Variants in SLC39A9 observed in about 807,000 individuals in gnomAD.
The protein encoded by SLC39A9 is solute carrier family 39 member 9.
Under a neutral mutation model 28.4 loss-of-function variants are expected in SLC39A9, and 14 were observed. The observed-to-expected ratio is 0.49, with a 90% CI of 0.33 to 0.77. The LOEUF is 0.77. Among genes scored for constraint, SLC39A9 ranks in the 30% least tolerant of loss-of-function variants. SLC39A9 has a pLI of 0.02. For missense variants in SLC39A9, 283 were observed against 381.1 expected (o/e 0.74, Z 2.14); for synonymous variants, 119 against 149.6 (o/e 0.80, Z 1.49).
chr14:69,405,805 T>C (rs1195419861), intron 1 of SLC39A9, among the ~76,000 whole-genome samples: 1 of 152,240 alleles, frequency 6.6e-6, no homozygotes, highest in Non-Finnish European at 1.5e-5. Context: ...GGATACTATA[T>C]TGATAAACAT....
intron 3 of SLC39A9, among the ~76,000 whole-genome samples, chr14:69,444,246 C>T (rs542229092): frequency 2.0e-5 from 3 of 152,150 alleles, no homozygotes; most frequent in African/African-American, 7.2e-5. Context: ...AAAATAAAAA[C>T]GCATTTTTTT....
chr14:69,428,782 C>A (rs1884333262), intron 2 of SLC39A9: 1 of 152,290 alleles, frequency 6.6e-6, no homozygotes, highest in Non-Finnish European at 1.5e-5. Flanking sequence ...CGGTTAAGAG[C>A]AAAGGTCACT....
chr14:69,410,359 T>A (rs376365881), intron 1 of SLC39A9, among the ~76,000 whole-genome samples: 6 of 147,998 alleles, frequency 4.1e-5, no homozygotes, highest in Non-Finnish European at 7.6e-5. Flanking sequence ...GCTTAGAAGC[T>A]TTTTTTTGCA....
At chr14:69,416,007 G>A (rs1322741133) in intron 1 of SLC39A9, among the ~76,000 whole-genome samples, 1 of 151,944 alleles carries the variant, frequency 6.6e-6, no homozygotes, top group African/African-American at 2.4e-5. Flanking sequence ...TGCCATGTTG[G>A]TTTGCTGCAC....
At chr14:69,442,327 C>T (rs578046681) in intron 3 of SLC39A9, 61 bp downstream of exon 3, 49 of 1,493,166 alleles carry the variant, frequency 3.3e-5, no homozygotes, top group East Asian at 6.8e-5. Flanking sequence ...AAGTTACAAA[C>T]GATCAAATAT....
intron 1 of SLC39A9, among the ~76,000 whole-genome samples, chr14:69,407,267 C>G (rs1429991518): frequency 1.3e-5 from 2 of 151,450 alleles, no homozygotes; most frequent in Non-Finnish European, 2.9e-5. Context: ...TAATTTCCTT[C>G]CTTCCTTTCT....
Position 69,460,899 on chromosome 14 carries a change from A to G in SLC39A9, c.*2306A>G, listed in dbSNP as rs767873763. On this transcript the variant is annotated 3_prime_UTR_variant, in exon 7 of 7. Transcript: ENST00000336643. Reference sequence around the variant, plus strand: ...GCCATACTAATCTCATAGGGCTCAAATGCATCTTCAGGCAGCAGGGAACCA... The same window carrying G: ...GCCATACTAATCTCATAGGGCTCAAGTGCATCTTCAGGCAGCAGGGAACCA... 2.1e-4 allele frequency: 211 copies of G among 985,396 alleles called. No individual in the cohort carries two copies. The highest frequency in any genetic ancestry group is 2.4e-4 in the Non-Finnish European group (201 of 830,012). 61.0% of individuals were successfully genotyped at this position (985,396 alleles called of 1,614,324 possible).
intron 3 of SLC39A9, among the ~76,000 whole-genome samples, chr14:69,447,460 A>G (rs527467129): frequency 6.6e-6 from 1 of 152,346 alleles, no homozygotes; most frequent in Non-Finnish European, 1.5e-5. Context: ...ACCAGAGGAC[A>G]GAGTTCAGGA....
intron 3 of SLC39A9, among the ~76,000 whole-genome samples, 190 bp from the exon 4 acceptor site, chr14:69,453,051 T>C (rs1885689198): frequency 6.6e-6 from 1 of 152,140 alleles, no homozygotes; most frequent in Admixed American, 6.5e-5. Context: ...AGAAAAAAGA[T>C]AGTGGCCGGG....
At chr14:69,408,608 C>G (rs1883068855) in intron 1 of SLC39A9, among the ~76,000 whole-genome samples, 1 of 152,160 alleles carries the variant, frequency 6.6e-6, no homozygotes, top group Non-Finnish European at 1.5e-5. Context: ...AGCTAGAAAT[C>G]TGGATTTTTA....
chr14:69,440,099 T>G (rs1040455626), intron 2 of SLC39A9, among the ~76,000 whole-genome samples: 1 of 151,952 alleles, frequency 6.6e-6, no homozygotes, highest in Non-Finnish European at 1.5e-5. Context: ...AAGTGCTAAA[T>G]GAAGAGGGGA....
At chr14:69,444,465 C>T (rs369492001) in intron 3 of SLC39A9, among the ~76,000 whole-genome samples, 4 of 152,088 alleles carry the variant, frequency 2.6e-5, no homozygotes, top group African/African-American at 4.8e-5. Context: ...GCTGAGATAC[C>T]GTTTCTTACC....
chr14:69,451,286 CT>C (rs1885598661), intron 3 of SLC39A9, among the ~76,000 whole-genome samples: 1 of 152,126 alleles, frequency 6.6e-6, no homozygotes, highest in South Asian at 2.1e-4. Flanking sequence ...AAACCCCTTC[CT>C]TTTGTATGCT....
intron 2 of SLC39A9, among the ~76,000 whole-genome samples, chr14:69,435,394 A>G (rs938796635): frequency 2.0e-5 from 3 of 152,154 alleles, no homozygotes; most frequent in Non-Finnish European, 4.4e-5. Flanking sequence ...TTCCATGGTT[A>G]TATCTTTCCC....
intron 2 of SLC39A9, chr14:69,441,703 C>A: frequency 1.5e-6 from 1 of 676,262 alleles, no homozygotes; most frequent in Non-Finnish European, 1.8e-6. Context: ...TGCCTATTTT[C>A]ATCAGAAAAA....
At position 69,460,036 on chromosome 14, in the gene SLC39A9, A is replaced by G. The variant is rs951291136; in HGVS notation, c.*1443A>G. On this transcript the variant is annotated 3_prime_UTR_variant, in exon 7 of 7. Coordinates refer to ENST00000336643, the MANE Select transcript of SLC39A9 (RefSeq NM_018375.5). The stretch of plus-strand genomic sequence containing the variant: ...TAGCAAAAGTGTTTAACAGACTAGG[A>G]TAATTTTTTTTTCATATTTGCCAAA... 9.1e-6 allele frequency: 9 copies of G among 984,848 alleles called. No homozygotes were observed. The Admixed American group carries it at 3.1e-4, about 34-fold the overall frequency. 61.0% of individuals were successfully genotyped at this position (984,848 alleles called of 1,614,324 possible).
At position 69,459,303 on chromosome 14, in the gene SLC39A9, TA is replaced by T; in HGVS notation, c.*713del. ...GAGCAGGAGAGGTGGGAGGAGCTTCTAAAGAGGTGACTGGTATTTTGTAGCA... is the reference window on the plus strand; with the variant it reads ...GAGCAGGAGAGGTGGGAGGAGCTTCTAAGAGGTGACTGGTATTTTGTAGCA... On this transcript the variant is annotated 3_prime_UTR_variant, in exon 7 of 7. Coordinates refer to ENST00000336643, the MANE Select transcript of SLC39A9 (RefSeq NM_018375.5). The T allele has an allele frequency of 3.0e-6, 3 of 985,462 alleles. No individual in the cohort carries two copies. The highest frequency in any genetic ancestry group is 1.1e-4 in the East Asian group (1 of 8,818). The allele number at this position is 985,462 out of a possible 1,614,324, so 61.0% of individuals were successfully genotyped here. A position where few individuals can be genotyped will look rare whatever the true frequency, so the allele number is the denominator to read the frequency against.
intron 2 of SLC39A9, among the ~76,000 whole-genome samples, chr14:69,437,940 T>G (rs1176314417): frequency 6.6e-6 from 1 of 152,126 alleles, no homozygotes; most frequent in Non-Finnish European, 1.5e-5. Flanking sequence ...TTTACATCTT[T>G]CTTCATACTG....
Position 69,460,021 on chromosome 14 carries a change from GT to G in SLC39A9, c.*1431del. On this transcript the variant is annotated 3_prime_UTR_variant, in exon 7 of 7. Coordinates refer to ENST00000336643, the MANE Select transcript of SLC39A9 (RefSeq NM_018375.5). The stretch of plus-strand genomic sequence containing the variant: ...TTTAAACAATTGAGATAGCAAAAGT[GT>G]TTAACAGACTAGGATAATTTTTTTT... The G allele has an allele frequency of 1.0e-6, 1 of 984,950 alleles. No homozygotes were observed. The highest frequency in any genetic ancestry group is 1.2e-6 in the Non-Finnish European group (1 of 829,204). The allele number at this position is 984,950 out of a possible 1,614,324, so 61.0% of individuals were successfully genotyped here.
Sources: gnomAD v4.1 joint callset for allele counts (sites outside exome capture counted in the v4.1 genomes callset) on GRCh38, gnomAD v4.1.1 for gene constraint, MANE v1.5 for transcripts, NCBI Gene and HGNC (gene_info 2026-07-23, HGNC 2026-07-21) for gene names.